The following SNX5 variants were observed in gnomAD, a reference collection of about 807,000 sequenced individuals.
SNX5 encodes the protein sorting nexin-5.
A neutral mutation model predicts 53.9 loss-of-function variants in SNX5; 31 were observed. The ratio of observed to expected loss-of-function variants is 0.58; its 90% CI spans 0.43 to 0.78. SNX5 has a LOEUF of 0.78. SNX5 is among the 30% of genes least tolerant of loss of function. SNX5 has a pLI of 0.00. For missense variants in SNX5, 471 were observed against 478.8 expected (o/e 0.98, Z 0.15); for synonymous variants, 168 against 171.1 (o/e 0.98, Z 0.14).
At chr20:17,951,883 T>C (rs1026131454) in intron 5 of SNX5, among the ~76,000 whole-genome samples, 2 of 152,310 alleles carry the variant, frequency 1.3e-5, no homozygotes. Flanking sequence ...TCTATCCATA[T>C]TAAGTAGCAA....
chr20:17,952,725 G>GCA lies in SNX5; in HGVS notation c.390-17_390-16dup, dbSNP rs1302533728. 6.3e-7 allele frequency: 1 copy of GCA among 1,583,860 alleles called. No homozygotes were observed. The highest frequency in any genetic ancestry group is 8.6e-7 in the Non-Finnish European group (1 of 1,164,194). On this transcript the variant is annotated splice_polypyrimidine_tract_variant and intron_variant, in intron 4 of 12. Transcript: ENST00000377759. The stretch of plus-strand genomic sequence containing the variant: ...CGAGATACTCACTGAAAAGAGATGT[G>GCA]CACATGGCATTCAGTTGACACAGCT...
chr20:17,961,649 A>C (rs2035452350), intron 1 of SNX5: 3 of 984,572 alleles, frequency 3.0e-6, no homozygotes, highest in African/African-American at 3.5e-5. Context: ...ATGACTTCCT[A>C]GTTTCCATTC....
chr20:17,952,746 CA>C (rs757358728), intron 4 of SNX5, 36 bp from the exon 5 acceptor site: 1 of 1,607,280 alleles, frequency 6.2e-7, no homozygotes, highest in Non-Finnish European at 8.5e-7. Flanking sequence ...TCAGTTGACA[CA>C]GCTCAACTAC....
intron 1 of SNX5, chr20:17,967,727 CATAA>C (rs1338916613): frequency 6.8e-5 from 14 of 205,590 alleles, no homozygotes; most frequent in African/African-American, 3.0e-4. Context: ...CAATTTATTG[CATAA>C]ATAATCTTTT....
At chr20:17,953,042 A>G (rs910901) in intron 4 of SNX5, among the ~76,000 whole-genome samples, 105,209 of 152,106 alleles carry the variant, frequency 0.69, 36,706 homozygotes, top group African/African-American at 0.78. Context: ...ACTGCAGCCT[A>G]AGTATACAGC....
intron 1 of SNX5, among the ~76,000 whole-genome samples, chr20:17,966,776 T>C (rs2035544773): frequency 6.6e-6 from 1 of 152,194 alleles, no homozygotes; most frequent in Non-Finnish European, 1.5e-5. Flanking sequence ...ACCGAAATTG[T>C]ATTATGGCAA....
At chr20:17,961,757 T>C in intron 1 of SNX5, 1 of 985,420 alleles carries the variant, frequency 1.0e-6, no homozygotes, top group Non-Finnish European at 1.2e-6. Flanking sequence ...TTGTTATGTT[T>C]CATTCCACTG....
rs142123666 is a variant in SNX5, at chr20:17,961,936, TTC to T, written c.52-4901_52-4900del. ...AGTGAGAATATAAAATTCAAAGATG[TTC>T]TGTCACACTCTAGATTTGTATTAAT... On this transcript the variant is annotated intron_variant, in intron 1 of 12. Transcript: ENST00000377759. 1,800 of 982,784 alleles carry T rather than the reference TTC, an allele frequency of 1.8e-3. 44 individuals carry two copies. The East Asian group carries it at 0.077, about 42-fold the overall frequency. The allele number at this position is 982,784 out of a possible 1,614,324, so 60.9% of individuals were successfully genotyped here. A position where few individuals can be genotyped will look rare whatever the true frequency, so the allele number is the denominator to read the frequency against.
intron 12 of SNX5, 22 bp from the exon 13 acceptor site, chr20:17,942,429 CA>C: frequency 6.3e-7 from 1 of 1,593,802 alleles, no homozygotes; most frequent in Non-Finnish European, 8.6e-7. Context: ...AAAGGCAAGG[CA>C]GACCAGTGAA....
At chr20:17,947,312 G>GT (rs1308540452) in intron 11 of SNX5, 174 bp downstream of exon 11, 1 of 628,998 alleles carries the variant, frequency 1.6e-6, no homozygotes, top group Non-Finnish European at 2.7e-6. Flanking sequence ...TGTAACGTTT[G>GT]TAAGCACGCA....
intron 1 of SNX5, chr20:17,961,734 T>C (rs2035453811): frequency 4.1e-6 from 4 of 985,454 alleles, no homozygotes; most frequent in Non-Finnish European, 4.8e-6. Flanking sequence ...TCCTAGCCTC[T>C]AGGGATTTTG....
At chr20:17,960,616 AAC>A (rs1416140969) in intron 1 of SNX5, among the ~76,000 whole-genome samples, 7 of 151,772 alleles carry the variant, frequency 4.6e-5, no homozygotes, top group Non-Finnish European at 7.4e-5. Context: ...CAAACAAAAA[AAC>A]ACACACAAAT....
At chr20:17,967,168 C>CGTAAA (rs2035554643) in intron 1 of SNX5, among the ~76,000 whole-genome samples, 2 of 152,022 alleles carry the variant, frequency 1.3e-5, no homozygotes, top group African/African-American at 4.8e-5. Context: ...AGTCCTTTTA[C>CGTAAA]CTAGCTGACT....
chr20:17,942,054 C>G lies in SNX5; in HGVS notation c.*303G>C, dbSNP rs1260840524. The G allele has an allele frequency of 4.2e-6, 1 of 237,572 alleles. No individual in the cohort carries two copies. Among genetic ancestry groups the G allele is most frequent in the Non-Finnish European group, 8.3e-6 (1 of 120,852 alleles). The allele number at this position is 237,572 out of a possible 1,614,324, so 14.7% of individuals were successfully genotyped here. On this transcript the variant is annotated 3_prime_UTR_variant, in exon 13 of 13. Transcript: ENST00000377759. ...CCAGGTGATGGCTTCTACTTGTTTC[C>G]AGAAGGCTAATGTGTCCTACACCCT...
Position 17,950,145 on chromosome 20 carries a change from T to G in SNX5, c.778A>C (p.Thr260Pro). Residue 260 changes from threonine to proline, a missense_variant, in exon 8 of 13, where the codon ACA becomes CCA. Thr to Pro is a conservative substitution (Grantham distance 38, BLOSUM62 -1). Transcript: ENST00000377759. ...AAAAAAACTTACTTTTTGATGACTG[T>G]GGGCTCTTCTAAAGCCAGGCTATGT... ...CLHSLALEEP[T>P]VIKKYLLKVA... is the part of the protein sequence containing the mutation. 1 of 1,614,190 alleles carries G rather than the reference T, an allele frequency of 6.2e-7. No homozygotes were observed. The highest frequency in any genetic ancestry group is 8.5e-7 in the Non-Finnish European group (1 of 1,179,992).
At chr20:17,956,874 A>T (rs1053798630) in intron 2 of SNX5, 59 bp downstream of exon 2, 7 of 870,512 alleles carry the variant, frequency 8.0e-6, no homozygotes, top group Non-Finnish European at 1.4e-5. Flanking sequence ...TCTCACATCC[A>T]CTGTGAATAA....
chr20:17,951,837 G>A (rs756014521), intron 5 of SNX5, among the ~76,000 whole-genome samples: 2 of 152,222 alleles, frequency 1.3e-5, no homozygotes, highest in Non-Finnish European at 2.9e-5. Flanking sequence ...CTAAGTCTTA[G>A]TGGCTCTGAA....
At chr20:17,967,914 T>C in intron 1 of SNX5, 1 of 395,628 alleles carries the variant, frequency 2.5e-6, no homozygotes. Context: ...TTGATGCAAT[T>C]TCCCAAGTTG....
chr20:17,942,808 A>C (rs1370622563), intron 12 of SNX5: 1 of 378,292 alleles, frequency 2.6e-6, no homozygotes, highest in African/African-American at 2.1e-5. Context: ...CTGTAATCCC[A>C]GCACTTTGGG....
Sources: gnomAD v4.1 joint callset for allele counts (sites outside exome capture counted in the v4.1 genomes callset) on GRCh38, gnomAD v4.1.1 for gene constraint, MANE v1.5 for transcripts, NCBI Gene and HGNC (gene_info 2026-07-23, HGNC 2026-07-21) for gene names.